The following NEXN variants were observed in gnomAD, a reference collection of about 807,000 sequenced individuals.
NEXN encodes the protein nexilin.
NEXN carries 65 observed loss-of-function variants against 92.6 expected under a neutral mutation model. That is an observed-to-expected ratio of 0.70 (90% confidence interval 0.57 to 0.86). NEXN has a LOEUF of 0.86. Ranked by LOEUF, NEXN falls within the 40% of genes least tolerant of loss-of-function variation. The pLI, the probability that NEXN is intolerant of heterozygous loss-of-function variation, is 0.00. For missense variants in NEXN, 778 were observed against 771.1 expected (o/e 1.01, Z -0.11); for synonymous variants, 254 against 242.5 (o/e 1.05, Z -0.44).
At position 77,918,363 on chromosome 1, in the gene NEXN, A is replaced by G. The variant is rs1649151689; in HGVS notation, c.447+90A>G. 5.8e-6 allele frequency: 8 copies of G among 1,387,314 alleles called. 1 individual carries two copies. In the South Asian group the frequency reaches 9.4e-5, roughly 16 times the overall value. The allele number at this position is 1,387,314 out of a possible 1,614,324, so 85.9% of individuals were successfully genotyped here. On this transcript the variant is annotated intron_variant, in intron 5 of 12. Coordinates refer to ENST00000334785, the MANE Select transcript of NEXN (RefSeq NM_144573.4). ...TATGTTGCCTAATTAAAATATTTTA[A>G]TGTAACATAAACCTATTAAAAAGCA...
chr1:77,918,395 C>A, intron 5 of NEXN, 122 bp downstream of exon 5: 1 of 1,176,262 alleles, frequency 8.5e-7, no homozygotes, highest in Non-Finnish European at 1.2e-6. Flanking sequence ...AGCAGCTAAC[C>A]GTCTGGGAAT....
chr1:77,891,088 C>A (rs545514178), intron 1 of NEXN, among the ~76,000 whole-genome samples: 54 of 152,234 alleles, frequency 3.5e-4, no homozygotes, highest in African/African-American at 1.2e-3. Context: ...GAAATGGCTA[C>A]ATTTTCCTTT....
At chr1:77,898,247 C>T (rs938028606) in intron 1 of NEXN, among the ~76,000 whole-genome samples, 1 of 152,240 alleles carries the variant, frequency 6.6e-6, no homozygotes, top group Non-Finnish European at 1.5e-5. Context: ...ATCACGCTAC[C>T]TGACTTCAAA....
At chr1:77,927,586 CTCTGTGTGTGTGTG>C (rs1557983069) in intron 8 of NEXN, among the ~76,000 whole-genome samples, 2 of 146,376 alleles carry the variant, frequency 1.4e-5, no homozygotes, top group South Asian at 2.3e-4. Flanking sequence ...GTGTGCATGC[CTCTGTGTGTGTGTG>C]TCTGTGTGTG....
At chr1:77,926,093 T>C (rs979299495) in intron 6 of NEXN, among the ~76,000 whole-genome samples, 1 of 152,150 alleles carries the variant, frequency 6.6e-6, no homozygotes, top group Non-Finnish European at 1.5e-5. Context: ...TATATTCACA[T>C]GCACATTTTG....
intron 1 of NEXN, among the ~76,000 whole-genome samples, chr1:77,899,959 C>T (rs1375669517): frequency 6.6e-6 from 1 of 152,160 alleles, no homozygotes; most frequent in African/African-American, 2.4e-5. Flanking sequence ...CCATTAAACT[C>T]CATTCTCTAC....
intron 1 of NEXN, among the ~76,000 whole-genome samples, chr1:77,894,059 C>T (rs1336025136): frequency 1.3e-5 from 2 of 151,958 alleles, no homozygotes; most frequent in Non-Finnish European, 2.9e-5. Flanking sequence ...CTCCTGACCT[C>T]GTGATCTGCC....
At chr1:77,891,735 G>A (rs564524056) in intron 1 of NEXN, among the ~76,000 whole-genome samples, 28 of 119,976 alleles carry the variant, frequency 2.3e-4, no homozygotes, top group Non-Finnish European at 3.5e-4. Flanking sequence ...ATTACCAAGT[G>A]TGGAAAAAAA....
intron 5 of NEXN, among the ~76,000 whole-genome samples, chr1:77,919,429 A>G (rs1649242540): frequency 6.6e-6 from 1 of 152,240 alleles, no homozygotes; most frequent in Admixed American, 6.5e-5. Context: ...AGCAAAGCAT[A>G]TGCTATACTT....
chr1:77,924,748 C>A (rs1162975423), intron 5 of NEXN, among the ~76,000 whole-genome samples: 3 of 152,042 alleles, frequency 2.0e-5, no homozygotes. Flanking sequence ...CAGCCTGAAC[C>A]TCCTGGGCTC....
At chr1:77,920,766 C>T (rs539421086) in intron 5 of NEXN, among the ~76,000 whole-genome samples, 2 of 151,958 alleles carry the variant, frequency 1.3e-5, no homozygotes, top group South Asian at 4.2e-4. Flanking sequence ...AGTTAAAGTC[C>T]ATCAGCTTAG....
intron 5 of NEXN, among the ~76,000 whole-genome samples, chr1:77,922,053 C>A (rs1438950153): frequency 6.6e-6 from 1 of 151,972 alleles, no homozygotes; most frequent in East Asian, 1.9e-4. Context: ...CAGGCATGAA[C>A]CACCATGTCC....
intron 1 of NEXN, among the ~76,000 whole-genome samples, chr1:77,910,967 G>A (rs1434568509): frequency 6.6e-6 from 1 of 151,716 alleles, no homozygotes; most frequent in African/African-American, 2.4e-5. Flanking sequence ...TTTCCCAAGT[G>A]GCCAAAACTA....
intron 1 of NEXN, among the ~76,000 whole-genome samples, chr1:77,902,064 A>T (rs1447180536): frequency 6.6e-6 from 1 of 152,220 alleles, no homozygotes. Flanking sequence ...TTATTTATGT[A>T]GTAGCCTATA....
chr1:77,923,006 T>C (rs1352350272), intron 5 of NEXN, among the ~76,000 whole-genome samples: 1 of 144,008 alleles, frequency 6.9e-6, no homozygotes, highest in African/African-American at 2.5e-5. Context: ...TGGGTGTCTT[T>C]TTTTTTTTTT....
rs781639939 is a variant in NEXN at position 77,926,481 on chromosome 1, A to C, written c.557A>C (p.Lys186Thr). Residue 186 changes from lysine (K) to threonine (T), a missense_variant, in exon 7 of 13, where the codon AAA (lysine) becomes ACA (threonine). Transcript: ENST00000334785. ...TCATATAAAACATCTGGAAAAATGA[A>C]AAAGAATTTTGAGGATCTAGAAAAA... ...VKSYKTSGKM[K>T]KNFEDLEKER... The C allele has an allele frequency of 6.2e-7, 1 of 1,610,494 alleles. No homozygotes were observed. Among genetic ancestry groups the C allele is most frequent in the Non-Finnish European group, 8.5e-7 (1 of 1,178,856 alleles).
At chr1:77,939,326 C>T (rs780195212) in intron 11 of NEXN, among the ~76,000 whole-genome samples, 1 of 152,138 alleles carries the variant, frequency 6.6e-6, no homozygotes, top group Non-Finnish European at 1.5e-5. Context: ...AGGTCCTGAA[C>T]TAAGGTGAGA....
At chr1:77,895,029 A>ATTTTTTTTTTT (rs559226754) in intron 1 of NEXN, among the ~76,000 whole-genome samples, 7 of 61,632 alleles carry the variant, frequency 1.1e-4, no homozygotes, top group African/African-American at 3.4e-4. Context: ...CTATAGTGTA[A>ATTTTTTTTTTT]TTTTTTTTTT....
At chr1:77,916,583 T>C (rs952715368) in intron 2 of NEXN, among the ~76,000 whole-genome samples, 1 of 152,004 alleles carries the variant, frequency 6.6e-6, no homozygotes, top group African/African-American at 2.4e-5. Context: ...ATACTGAGAG[T>C]TGTAAGAAGA....
Sources: allele counts gnomAD v4.1 joint callset (sites outside exome capture counted in the v4.1 genomes callset), GRCh38; gene constraint gnomAD v4.1.1; transcripts MANE v1.5; gene names NCBI Gene and HGNC (gene_info 2026-07-23, HGNC 2026-07-21).